The following GRIN2A variants were observed in gnomAD, a reference collection of about 807,000 sequenced individuals.
GRIN2A encodes the protein glutamate ionotropic receptor NMDA type subunit 2A.
GRIN2A carries 22 observed loss-of-function variants against 113.4 expected under a neutral mutation model. That is an observed-to-expected ratio of 0.19 (90% confidence interval 0.14 to 0.28). The LOEUF (loss-of-function observed/expected upper bound fraction) is 0.28, where lower values mean the gene tolerates loss of function less well. Among genes scored for constraint, GRIN2A ranks in the 10% least tolerant of loss-of-function variants. The pLI, the probability that GRIN2A is intolerant of heterozygous loss-of-function variation, is 1.00. For synonymous variants in GRIN2A, 827 were observed against 738.4 expected (o/e 1.12, Z -1.94); for missense variants, 1,502 against 1,887.0 (o/e 0.80, Z 3.78).
At chr16:10,033,231 C>T (rs2141932003) in intron 2 of GRIN2A, among the ~76,000 whole-genome samples, 1 of 152,330 alleles carries the variant, frequency 6.6e-6, no homozygotes, top group Non-Finnish European at 1.5e-5. Context: ...CAGAGTGAGG[C>T]TTTGGCCAAA....
At chr16:10,015,759 G>A (rs962551038) in intron 2 of GRIN2A, among the ~76,000 whole-genome samples, 1 of 152,152 alleles carries the variant, frequency 6.6e-6, no homozygotes, top group Non-Finnish European at 1.5e-5. Flanking sequence ...ACAGGGAGGT[G>A]CAACAACTCA....
chr16:9,803,607 T>G (rs568297297), intron 10 of GRIN2A, among the ~76,000 whole-genome samples: 1 of 152,356 alleles, frequency 6.6e-6, no homozygotes, highest in South Asian at 2.1e-4. Flanking sequence ...ATGGATCCTA[T>G]AGGAGAAATC....
intron 2 of GRIN2A, among the ~76,000 whole-genome samples, chr16:10,121,129 G>T (rs2048824783): frequency 1.3e-5 from 2 of 152,102 alleles, no homozygotes; most frequent in African/African-American, 4.8e-5. Flanking sequence ...AAGAAGGGTG[G>T]GGCAACCACA....
At chr16:10,131,678 C>G in intron 2 of GRIN2A, among the ~76,000 whole-genome samples, 1 of 152,106 alleles carries the variant, frequency 6.6e-6, no homozygotes, top group Non-Finnish European at 1.5e-5. Flanking sequence ...GGAGACATGG[C>G]TTTTGAATGG....
At chr16:10,079,221 T>C (rs983200048) in intron 2 of GRIN2A, among the ~76,000 whole-genome samples, 1 of 151,942 alleles carries the variant, frequency 6.6e-6, no homozygotes, top group Non-Finnish European at 1.5e-5. Context: ...ATATGGATAA[T>C]AACAACCAAA....
chr16:10,061,051 G>A (rs1273353448), intron 2 of GRIN2A, among the ~76,000 whole-genome samples: 1 of 152,182 alleles, frequency 6.6e-6, no homozygotes, highest in Non-Finnish European at 1.5e-5. Context: ...TATCAGAGAT[G>A]ACCAACAATA....
chr16:10,038,202 C>T (rs1406317797), intron 2 of GRIN2A, among the ~76,000 whole-genome samples: 1 of 152,134 alleles, frequency 6.6e-6, no homozygotes, highest in Non-Finnish European at 1.5e-5. Flanking sequence ...TGTGTCCTCA[C>T]AGTGGAAGGG....
intron 2 of GRIN2A, among the ~76,000 whole-genome samples, chr16:10,145,984 G>GA (rs1244342987): frequency 6.6e-6 from 1 of 152,172 alleles, no homozygotes; most frequent in African/African-American, 2.4e-5. Context: ...TCTCTTTAGA[G>GA]AAATTAATAA....
intron 2 of GRIN2A, among the ~76,000 whole-genome samples, chr16:9,999,848 CA>C (rs1301763248): frequency 1.3e-5 from 2 of 152,122 alleles, no homozygotes; most frequent in Non-Finnish European, 2.9e-5. Flanking sequence ...TCCACAAGCA[CA>C]ACGACTTAGA....
intron 5 of GRIN2A, among the ~76,000 whole-genome samples, chr16:9,844,315 T>C (rs1249752514): frequency 6.6e-6 from 1 of 152,188 alleles, no homozygotes; most frequent in Non-Finnish European, 1.5e-5. Flanking sequence ...ACCCACTAAG[T>C]GCCTACTGTG....
Position 9,762,528 on chromosome 16 carries a change from C to G in GRIN2A, c.*621G>C, listed in dbSNP as rs555175422. 10 of 226,762 alleles carry G rather than the reference C, an allele frequency of 4.4e-5. No homozygotes were observed. In the East Asian group the frequency reaches 5.8e-4, roughly 13 times the overall value. The allele number at this position is 226,762 out of a possible 1,614,324, so 14.0% of individuals were successfully genotyped here. Reference sequence around the variant, plus strand: ...TATAATGAAGGTAGCACAGTCATCACGAACACACTGATTTGCTATTCTTTA... The same window carrying G: ...TATAATGAAGGTAGCACAGTCATCAGGAACACACTGATTTGCTATTCTTTA... On this transcript the variant is annotated 3_prime_UTR_variant, in exon 13 of 13. Transcript: ENST00000330684.
intron 5 of GRIN2A, among the ~76,000 whole-genome samples, chr16:9,842,953 G>A (rs181117965): frequency 7.2e-4 from 106 of 147,266 alleles, no homozygotes; most frequent in Middle Eastern, 6.9e-3. Flanking sequence ...AAGAAAGAAA[G>A]AGAGAGAGAG....
At position 9,774,995 on chromosome 16, in the gene GRIN2A, T is replaced by C. The variant is rs1016728449; in HGVS notation, c.2357-5906A>G. On this transcript the variant is annotated intron_variant, in intron 11 of 12. Transcript: ENST00000330684. ...AGAGAAATTAGTTCTCTATTTGCCCTAAGACTCATTCTCAGCACTTCCAGA... is the reference window on the plus strand; with the variant it reads ...AGAGAAATTAGTTCTCTATTTGCCCCAAGACTCATTCTCAGCACTTCCAGA... 9.9e-5 allele frequency among the ~76,000 whole-genome samples: 15 copies of C among 152,180 alleles called. No individual in the cohort carries two copies. In the East Asian group the frequency reaches 2.9e-3, roughly 29 times the overall value.
At chr16:10,043,314 T>C (rs1185495206) in intron 2 of GRIN2A, among the ~76,000 whole-genome samples, 1 of 152,140 alleles carries the variant, frequency 6.6e-6, no homozygotes, top group African/African-American at 2.4e-5. Context: ...AACTCAAAGT[T>C]GACATTCGTT....
At chr16:10,147,234 C>T (rs191317808) in intron 2 of GRIN2A, among the ~76,000 whole-genome samples, 2 of 152,112 alleles carry the variant, frequency 1.3e-5, no homozygotes, top group East Asian at 3.9e-4. Flanking sequence ...TGCCCTCCCC[C>T]CAGCAAATAA....
intron 5 of GRIN2A, among the ~76,000 whole-genome samples, chr16:9,845,301 C>A (rs2042752617): frequency 6.6e-6 from 1 of 152,198 alleles, no homozygotes; most frequent in East Asian, 1.9e-4. Flanking sequence ...CTTCCTCATA[C>A]AAATGTGACT....
intron 4 of GRIN2A, among the ~76,000 whole-genome samples, chr16:9,881,411 G>T (rs1428636229): frequency 6.6e-6 from 1 of 152,202 alleles, no homozygotes; most frequent in African/African-American, 2.4e-5. Context: ...GTAAGTCTAT[G>T]CCCTAAAGCA....
At chr16:10,127,522 C>T (rs982105198) in intron 2 of GRIN2A, among the ~76,000 whole-genome samples, 1 of 152,170 alleles carries the variant, frequency 6.6e-6, no homozygotes, top group African/African-American at 2.4e-5. Context: ...TGCCAGGCAC[C>T]CTTGTGCACC....
rs1406511845 is a variant in GRIN2A at position 9,754,924 on chromosome 16, A to G, written c.*8225T>C. 1 of 220,232 alleles carries G rather than the reference A, an allele frequency of 4.5e-6. No homozygotes were observed. Among genetic ancestry groups the G allele is most frequent in the Non-Finnish European group, 9.1e-6 (1 of 109,944 alleles). The allele number at this position is 220,232 out of a possible 1,614,324, so 13.6% of individuals were successfully genotyped here. ...GAAGCATTTAAAATGCCAAAGACAA[A>G]CTCATGTTTGCTGGAGAACAATTAA... On this transcript the variant is annotated 3_prime_UTR_variant, in exon 13 of 13. Coordinates refer to ENST00000330684, the MANE Select transcript of GRIN2A (RefSeq NM_001134407.3).
Sources: gnomAD v4.1 joint callset for allele counts (sites outside exome capture counted in the v4.1 genomes callset) on GRCh38, gnomAD v4.1.1 for gene constraint, MANE v1.5 for transcripts, NCBI Gene and HGNC (gene_info 2026-07-23, HGNC 2026-07-21) for gene names.